Variants in PIWIL1 observed in about 807,000 individuals in gnomAD.
PIWIL1 encodes the protein piwi like RNA-mediated gene silencing 1.
In PIWIL1, 73 loss-of-function variants were observed where a neutral mutation model predicts 114.4. That is an observed-to-expected ratio of 0.64 (90% CI 0.53 to 0.78). PIWIL1 has a LOEUF of 0.78. Among genes scored for constraint, PIWIL1 ranks in the 30% least tolerant of loss-of-function variants. The pLI, the probability that PIWIL1 is intolerant of heterozygous loss-of-function variation, is 0.00. For missense variants in PIWIL1, 723 were observed against 1,063.1 expected (o/e 0.68, Z 4.45); for synonymous variants, 375 against 369.0 (o/e 1.02, Z -0.19).
At chr12:130,343,795 T>G (rs141710756) in intron 3 of PIWIL1, among the ~76,000 whole-genome samples, 3,264 of 152,078 alleles carry the variant, frequency 0.021, 51 homozygotes, top group Middle Eastern at 0.037. Flanking sequence ...CCAGCTAATT[T>G]TTTTGTATTT....
In PIWIL1 at chr12:130,354,915, T is replaced by TAACTGA; in HGVS notation, c.1199_1200insAACTGA (p.Phe400delinsLeuThrAsp). On this transcript the variant is annotated protein_altering_variant, in exon 11 of 21. Transcript: ENST00000245255. Reference sequence around the variant, plus strand: ...CTAACTGATAAAATGCGTAATGATTTTAACGTGATGAAAGACTTAGCCGTT... The same window carrying TAACTGA: ...CTAACTGATAAAATGCGTAATGATTTAACTGATAACGTGATGAAAGACTTAGCCGTT... 1 of 1,613,634 alleles carries TAACTGA rather than the reference T, an allele frequency of 6.2e-7. No homozygotes were observed. The highest frequency in any genetic ancestry group is 8.5e-7 in the Non-Finnish European group (1 of 1,179,558).
At chr12:130,421,996 C>T in the PIWIL1 span, among the ~76,000 whole-genome samples, 1 of 152,206 alleles carries the variant, frequency 6.6e-6, no homozygotes, top group African/African-American at 2.4e-5. Context: ...GGGGCACACT[C>T]AGCTGCACGG....
Position 130,372,521 on chromosome 12 carries a change from C to T in PIWIL1, c.*923C>T, listed in dbSNP as rs1322536092. 2.2e-5 allele frequency: 3 copies of T among 136,740 alleles called. No homozygotes were observed. In the Admixed American group the frequency reaches 2.4e-4, roughly 11 times the overall value. 8.5% of individuals were successfully genotyped at this position (136,740 alleles called of 1,614,324 possible). On this transcript the variant is annotated 3_prime_UTR_variant, in exon 21 of 21. Coordinates refer to ENST00000245255, the MANE Select transcript of PIWIL1 (RefSeq NM_004764.5). ...GCTGAGGCAGGAGAATCACTTGAAC[C>T]TGAGAGGCGGAGGTTGCAGTGAGCA...
chr12:130,367,690 C>T (rs776468697), intron 19 of PIWIL1, among the ~76,000 whole-genome samples: 8 of 152,308 alleles, frequency 5.3e-5, no homozygotes, highest in East Asian at 1.9e-4. Flanking sequence ...AGCCGAGCTG[C>T]ACTCACCGAC....
chr12:130,376,375 A>G (rs940391558), downstream of PIWIL1, among the ~76,000 whole-genome samples: 4 of 152,238 alleles, frequency 2.6e-5, no homozygotes, highest in Non-Finnish European at 5.9e-5. Flanking sequence ...AAAACACTGT[A>G]TATGCCTGAG....
the PIWIL1 span, among the ~76,000 whole-genome samples, chr12:130,403,008 C>T: frequency 6.6e-6 from 1 of 152,180 alleles, no homozygotes; most frequent in African/African-American, 2.4e-5. Context: ...GGGAGGACAG[C>T]AGGAGTCCCT....
At chr12:130,378,486 A>G in the PIWIL1 span, among the ~76,000 whole-genome samples, 6 of 152,344 alleles carry the variant, frequency 3.9e-5, no homozygotes, top group South Asian at 4.1e-4. Context: ...GCGGATACAT[A>G]GATGAGGAAT....
the PIWIL1 span, chr12:130,424,841 C>A: frequency 8.1e-7 from 1 of 1,232,560 alleles, no homozygotes; most frequent in South Asian, 4.1e-5. The surrounding 1 kb of genome is among the most constrained non-coding windows in gnomAD (Gnocchi z 9.8). Flanking sequence ...CTTCCGAGGT[C>A]CTATGGTCAG....
the PIWIL1 span, among the ~76,000 whole-genome samples, chr12:130,390,323 A>G: frequency 6.6e-6 from 1 of 152,100 alleles, no homozygotes; most frequent in African/African-American, 2.4e-5. Context: ...AGTACTGACT[A>G]CCTTTGTCCA....
At chr12:130,416,890 G>A in the PIWIL1 span, among the ~76,000 whole-genome samples, 3 of 151,890 alleles carry the variant, frequency 2.0e-5, no homozygotes, top group Admixed American at 6.6e-5. Context: ...CCATTAAAAA[G>A]AGCAAAGGAC....
At chr12:130,407,720 T>C in the PIWIL1 span, 1 of 1,611,072 alleles carries the variant, frequency 6.2e-7, no homozygotes. Context: ...AGTGTTTGGC[T>C]GGTACCTCGA....
the PIWIL1 span, among the ~76,000 whole-genome samples, chr12:130,392,301 C>T: frequency 2.8e-5 from 4 of 144,772 alleles, no homozygotes; most frequent in Admixed American, 6.9e-5. Flanking sequence ...TGTGATGACC[C>T]GGTCACCGTC....
downstream of PIWIL1, among the ~76,000 whole-genome samples, chr12:130,373,335 A>T (rs1201287681): frequency 1.3e-5 from 2 of 152,238 alleles, no homozygotes; most frequent in African/African-American, 4.8e-5. Flanking sequence ...AGTCATGAAA[A>T]GCTCATTCTT....
chr12:130,343,016 T>G lies in PIWIL1; in HGVS notation c.105T>G (p.Pro35=). The change falls in exon 3 of 21, where the codon CCT becomes CCG. Residue 35 remains proline (P), a synonymous_variant. Coordinates refer to ENST00000245255, the MANE Select transcript of PIWIL1 (RefSeq NM_004764.5). ...TASQQPGYIQ[P]RPQPPPAEGE... is the part of the protein sequence containing the mutation. ...GTCAGCAACCTGGTTATATTCAGCC[T>G]AGGCCTCAGCCGCCACCAGCAGAGG... The G allele has an allele frequency of 6.2e-7, 1 of 1,614,166 alleles. No individual in the cohort carries two copies.
the PIWIL1 span, chr12:130,414,314 C>A: frequency 6.4e-7 from 1 of 1,571,792 alleles, no homozygotes; most frequent in Non-Finnish European, 8.6e-7. Context: ...CGTCTGCGAG[C>A]AAGTGGGGGT....
Position 130,354,621 on chromosome 12 carries a change from C to T in PIWIL1, c.1129C>T (p.Pro377Ser). 4.4e-6 allele frequency: 7 copies of T among 1,607,304 alleles called. No individual in the cohort carries two copies. Among genetic ancestry groups the T allele is most frequent in the Non-Finnish European group, 5.9e-6 (7 of 1,178,126 alleles). ...KRRRGPGGTL[P>S]GPAMLIPELC... The stretch of plus-strand genomic sequence containing the variant: ...AAGGCGGGGCCCTGGGGGGACACTG[C>T]CAGGGCCTGCCATGCTCATTCCTGA... Residue 377 changes from proline (P) to serine (S), a missense_variant, in exon 10 of 21, where the codon CCA becomes TCA. By Grantham distance (74) the Pro-to-Ser change is moderately conservative. This residue lies in a region of PIWIL1 where 298 missense variants were observed against 420.8 expected (regional missense o/e 0.71). Transcript: ENST00000245255.
At chr12:130,425,695 C>T in the PIWIL1 span, 1 of 152,476 alleles carries the variant, frequency 6.6e-6, no homozygotes, top group South Asian at 2.1e-4. Context: ...CACCCTCTAC[C>T]CAAAGAGCAT....
At chr12:130,417,976 C>A in the PIWIL1 span, among the ~76,000 whole-genome samples, 8 of 151,970 alleles carry the variant, frequency 5.3e-5, 1 homozygote, top group African/African-American at 1.9e-4. Flanking sequence ...GAGAGAGCAG[C>A]ATTGGGAGAA....
At chr12:130,388,578 TC>T in the PIWIL1 span, among the ~76,000 whole-genome samples, 1 of 152,246 alleles carries the variant, frequency 6.6e-6, no homozygotes, top group African/African-American at 2.4e-5. Context: ...GGTTTTACCA[TC>T]CTCCAAATGG....
Sources: allele counts gnomAD v4.1 joint callset (sites outside exome capture counted in the v4.1 genomes callset), GRCh38; gene constraint gnomAD v4.1.1; regional missense constraint gnomAD v4.1.1; non-coding constraint Gnocchi (gnomAD v3.1); transcripts MANE v1.5; gene names NCBI Gene and HGNC (gene_info 2026-07-23, HGNC 2026-07-21).